The following TNNI3K variants were observed in gnomAD, a reference collection of about 807,000 sequenced individuals.
TNNI3K encodes serine/threonine-protein kinase TNNI3K.
In TNNI3K, 140 loss-of-function variants were observed where a neutral mutation model predicts 114.5. The ratio of observed to expected loss-of-function variants is 1.22; its 90% CI spans 1.07 to 1.41. The LOEUF (loss-of-function observed/expected upper bound fraction) is 1.41, where lower values mean the gene tolerates loss of function less well. Ranked by LOEUF, TNNI3K falls within the 40% of genes most tolerant of loss-of-function variation. TNNI3K has a pLI of 0.00. For synonymous variants in TNNI3K, 347 were observed against 347.5 expected (o/e 1.00, Z 0.02); for missense variants, 1,125 against 1,007.6 (o/e 1.12, Z -1.58).
chr1:74,465,591 C>T (rs1667640404), intron 21 of TNNI3K, among the ~76,000 whole-genome samples: 1 of 152,214 alleles, frequency 6.6e-6, no homozygotes, highest in Non-Finnish European at 1.5e-5. Context: ...GGCACTGCCC[C>T]CTGCTTCACG....
intron 20 of TNNI3K, among the ~76,000 whole-genome samples, chr1:74,449,214 T>G (rs924505526): frequency 2.6e-4 from 39 of 152,106 alleles, no homozygotes; most frequent in African/African-American, 9.2e-4. Flanking sequence ...GTAGAGGAAT[T>G]TATCCATTTC....
At chr1:74,464,074 G>A (rs532857981) in intron 21 of TNNI3K, among the ~76,000 whole-genome samples, 2 of 152,264 alleles carry the variant, frequency 1.3e-5, no homozygotes, top group South Asian at 4.1e-4. Context: ...GTTATGGAAG[G>A]GATATTTAAA....
At chr1:74,248,240 C>T (rs929788646) in intron 2 of TNNI3K, among the ~76,000 whole-genome samples, 6 of 152,088 alleles carry the variant, frequency 3.9e-5, no homozygotes, top group African/African-American at 1.2e-4. Context: ...CCAGAACTCA[C>T]GCTGGCCTGC....
intron 4 of TNNI3K, among the ~76,000 whole-genome samples, chr1:74,268,916 T>C (rs1375166389): frequency 6.6e-6 from 1 of 151,886 alleles, no homozygotes. Flanking sequence ...AAATACCCCA[T>C]ACCATGGCCT....
At chr1:74,450,505 C>T (rs1363423316) in intron 20 of TNNI3K, among the ~76,000 whole-genome samples, 1 of 152,004 alleles carries the variant, frequency 6.6e-6, no homozygotes, top group Admixed American at 6.6e-5. Context: ...ATCTATCTAT[C>T]TGAAAAAGGT....
chr1:74,297,371 C>T (rs1042087478), intron 5 of TNNI3K, among the ~76,000 whole-genome samples: 7 of 151,990 alleles, frequency 4.6e-5, no homozygotes, highest in Non-Finnish European at 7.4e-5. Flanking sequence ...TTTGGGAGAC[C>T]GTAAGATCAT....
At chr1:74,297,195 AG>A (rs1263203593) in intron 5 of TNNI3K, among the ~76,000 whole-genome samples, 1 of 151,984 alleles carries the variant, frequency 6.6e-6, no homozygotes, top group Non-Finnish European at 1.5e-5. Context: ...ATACAGTAGA[AG>A]TTTCTGTGAT....
At chr1:74,443,440 C>G (rs1397336954) in intron 20 of TNNI3K, among the ~76,000 whole-genome samples, 3 of 151,640 alleles carry the variant, frequency 2.0e-5, no homozygotes, top group African/African-American at 4.8e-5. Flanking sequence ...ATATGTACAC[C>G]CCCGCAAGAC....
chr1:74,243,977 A>G (rs570656704), intron 2 of TNNI3K, among the ~76,000 whole-genome samples: 14 of 152,226 alleles, frequency 9.2e-5, no homozygotes, highest in South Asian at 4.2e-4. Flanking sequence ...AGTGAATTTG[A>G]CATACACAGT....
chr1:74,259,217 C>T (rs541586414), intron 4 of TNNI3K, among the ~76,000 whole-genome samples: 4 of 152,230 alleles, frequency 2.6e-5, no homozygotes, highest in South Asian at 2.1e-4. Flanking sequence ...CACGATCTTC[C>T]GTCTATAAGC....
chr1:74,316,351 T>C (rs977448722), intron 5 of TNNI3K, among the ~76,000 whole-genome samples: 2 of 152,212 alleles, frequency 1.3e-5, no homozygotes, highest in East Asian at 3.9e-4. Context: ...TTTTAAAGTC[T>C]ATGAGATATG....
intron 13 of TNNI3K, 125 bp from the exon 14 acceptor site, chr1:74,368,897 G>A (rs1662431420): frequency 2.4e-6 from 2 of 845,440 alleles, no homozygotes; most frequent in Non-Finnish European, 3.4e-6. Context: ...AATTACAGTT[G>A]GAAAATTAAA....
At chr1:74,235,758 G>C (rs550848940) in intron 1 of TNNI3K, among the ~76,000 whole-genome samples, 1 of 150,846 alleles carries the variant, frequency 6.6e-6, no homozygotes, top group Non-Finnish European at 1.5e-5. Flanking sequence ...TGAATGTAGG[G>C]ATTTTAGAAT....
intron 4 of TNNI3K, among the ~76,000 whole-genome samples, chr1:74,265,626 A>C (rs1207641906): frequency 6.6e-6 from 1 of 152,084 alleles, no homozygotes; most frequent in Non-Finnish European, 1.5e-5. Flanking sequence ...ACCTATATGT[A>C]GAATTAGATC....
intron 17 of TNNI3K, among the ~76,000 whole-genome samples, chr1:74,389,954 G>C (rs1663679480): frequency 6.6e-6 from 1 of 152,130 alleles, no homozygotes; most frequent in Non-Finnish European, 1.5e-5. Context: ...ATTTTAGATA[G>C]TACAAGATGT....
At position 74,427,210 on chromosome 1, in the gene TNNI3K, G is replaced by T. The variant is rs1022325994; in HGVS notation, c.1773-8870G>T. On this transcript the variant is annotated intron_variant, in intron 17 of 24. Coordinates refer to ENST00000326637, the MANE Select transcript of TNNI3K (RefSeq NM_015978.3). ...ATGTACAGAGTAGGGATTGCATAGA[G>T]ACTTTATAATTTTTAGTATATTCAA... Among the ~76,000 whole-genome samples the T allele has an allele frequency of 2.6e-5, 4 of 151,588 alleles. No homozygotes were observed. The South Asian group carries it at 8.3e-4, about 32-fold the overall frequency.
At chr1:74,325,484 G>A (rs1325435283) in intron 5 of TNNI3K, among the ~76,000 whole-genome samples, 1 of 152,136 alleles carries the variant, frequency 6.6e-6, no homozygotes, top group African/African-American at 2.4e-5. Context: ...CTGTGTCCCT[G>A]GTGACTAAGT....
In TNNI3K at chr1:74,486,603, G is replaced by C. The variant is rs1002349052; in HGVS notation, c.2122-2586G>C. Among the ~76,000 whole-genome samples, 9 of 149,900 alleles carry C rather than the reference G, an allele frequency of 6.0e-5. No homozygotes were observed. In the East Asian group the frequency reaches 7.9e-4, roughly 13 times the overall value. ...ATAATTAATTGCATGTATGAGTTTA[G>C]AGTTCAGGAGAAAGTACTGGGCTAG... is the stretch of plus-strand genomic sequence containing the variant. On this transcript the variant is annotated intron_variant, in intron 21 of 24. Coordinates refer to ENST00000326637, the MANE Select transcript of TNNI3K (RefSeq NM_015978.3).
At chr1:74,490,012 C>T (rs1404319397) in intron 22 of TNNI3K, among the ~76,000 whole-genome samples, 1 of 111,554 alleles carries the variant, frequency 9.0e-6, no homozygotes, top group East Asian at 2.8e-4. Context: ...CACTAAGTCT[C>T]AAAGTGGAAC....
Sources: allele counts gnomAD v4.1 joint callset (sites outside exome capture counted in the v4.1 genomes callset), GRCh38; gene constraint gnomAD v4.1.1; transcripts MANE v1.5; gene names NCBI Gene and HGNC (gene_info 2026-07-23, HGNC 2026-07-21).